The following TRAK1 variants were observed in gnomAD, a reference collection of about 807,000 sequenced individuals.
TRAK1 encodes the protein trafficking kinesin protein 1, also known as trafficking kinesin-binding protein 1.
Under a neutral mutation model 92.1 loss-of-function variants are expected in TRAK1, and 33 were observed. The ratio of observed to expected loss-of-function variants is 0.36; its 90% CI spans 0.27 to 0.48. TRAK1 has a LOEUF of 0.48. TRAK1 is among the 20% of genes least tolerant of loss of function. The pLI is 0.99. For missense variants in TRAK1, 1,123 were observed against 1,257.9 expected (o/e 0.89, Z 1.62); for synonymous variants, 521 against 517.3 (o/e 1.01, Z -0.10).
At chr3:42,212,544 T>A (rs1709179258) in intron 14 of TRAK1, 1 of 980,120 alleles carries the variant, frequency 1.0e-6, no homozygotes, top group African/African-American at 1.8e-5. Flanking sequence ...ATTTTTACAA[T>A]CCCATGTCTT....
At chr3:42,161,139 T>C (rs902743475) in intron 2 of TRAK1, among the ~76,000 whole-genome samples, 4 of 152,232 alleles carry the variant, frequency 2.6e-5, no homozygotes, top group Admixed American at 2.0e-4. Flanking sequence ...CTTAAAGAGA[T>C]GCTCCTTTGC....
intron 2 of TRAK1, among the ~76,000 whole-genome samples, chr3:42,143,516 G>A (rs764280921): frequency 1.3e-5 from 2 of 152,144 alleles, no homozygotes; most frequent in African/African-American, 2.4e-5. Flanking sequence ...CCATTAGGTC[G>A]CAGGGGTCTG....
chr3:42,108,445 C>T (rs903327635), intron 1 of TRAK1, among the ~76,000 whole-genome samples: 11 of 145,526 alleles, frequency 7.6e-5, no homozygotes, highest in Admixed American at 2.8e-4. Flanking sequence ...GAGCTGTGAT[C>T]GTACCACTGC....
chr3:42,139,038 G>A (rs537096665), intron 2 of TRAK1, among the ~76,000 whole-genome samples: 66 of 151,938 alleles, frequency 4.3e-4, no homozygotes, highest in Admixed American at 8.5e-4. Context: ...GTGGAGTAGG[G>A]GTTGTGCTGA....
In TRAK1 at chr3:42,068,949, C is replaced by T. The variant is rs534678779; in HGVS notation, c.-518-18155C>T. On this transcript the variant is annotated intron_variant, in intron 1 of 16. Transcript: ENST00000487159. ...ACCTATTCTGACTGTGTCTTTCTGT[C>T]CCTACAGGATTTGAACTTATAGTGG... 3.3e-5 allele frequency among the ~76,000 whole-genome samples: 5 copies of T among 152,268 alleles called. No individual in the cohort carries two copies. In the South Asian group the frequency reaches 1.0e-3, roughly 32 times the overall value.
intron 1 of TRAK1, among the ~76,000 whole-genome samples, chr3:42,057,366 G>A (rs1703243338): frequency 6.6e-6 from 1 of 152,194 alleles, no homozygotes; most frequent in Non-Finnish European, 1.5e-5. Flanking sequence ...AAGGGTGAAT[G>A]ATGGGAGTAA....
At position 42,097,121 on chromosome 3, in the gene TRAK1, A is replaced by G. The variant is rs146979295; in HGVS notation, c.91+5561A>G. On this transcript the variant is annotated intron_variant, in intron 1 of 15. Transcript: ENST00000327628. ...TGTTGCCTTTTCTCCTCAGTAATCT[A>G]TATTGGAGACCTTTCCACTTAGCAT... Among the ~76,000 whole-genome samples, 620 of 152,266 alleles carry G rather than the reference A, an allele frequency of 4.1e-3. 2 individuals carry two copies. The highest frequency in any genetic ancestry group is 0.014 in the African/African-American group (572 of 41,544).
chr3:42,063,652 T>G (rs796966721), intron 1 of TRAK1, among the ~76,000 whole-genome samples: 28 of 151,550 alleles, frequency 1.8e-4, no homozygotes, highest in African/African-American at 6.8e-4. Flanking sequence ...TGCCACTGCA[T>G]TCCAGCCTTG....
Position 42,018,570 on chromosome 3 carries a change from C to CT in TRAK1, c.-519+4461dup, listed in dbSNP as rs1448088404. On this transcript the variant is annotated intron_variant, in intron 1 of 16. Transcript: ENST00000487159. ...TGGGTACTCAGGTGACTTTAAAAAT[C>CT]TTTTTTTTCTTTTAAGAAGTAGGAG... Among the ~76,000 whole-genome samples the CT allele has an allele frequency of 1.4e-4, 22 of 152,086 alleles. No homozygotes were observed. The East Asian group carries it at 2.9e-3, about 20-fold the overall frequency.
chr3:42,044,859 G>A lies in TRAK1; in HGVS notation c.-519+30742G>A, dbSNP rs186877440. Among the ~76,000 whole-genome samples the A allele has an allele frequency of 2.0e-5, 3 of 152,004 alleles. No homozygotes were observed. In the South Asian group the frequency reaches 6.2e-4, roughly 32 times the overall value. ...CTGTTTTTTTTTACTTCAATTACAC[G>A]ATTTCTCTGGATTTTTATGTTACCT... On this transcript the variant is annotated intron_variant, in intron 1 of 16. Coordinates refer to the TRAK1 transcript ENST00000487159.
chr3:42,050,784 A>G (rs1702947801), intron 1 of TRAK1, among the ~76,000 whole-genome samples: 1 of 152,002 alleles, frequency 6.6e-6, no homozygotes, highest in Admixed American at 6.5e-5. Context: ...CAGCCTTCTG[A>G]GTAGCTGGGA....
chr3:42,149,219 G>T, intron 2 of TRAK1: 2 of 1,176,766 alleles, frequency 1.7e-6, no homozygotes, highest in South Asian at 5.2e-5. Context: ...TGGATAGGAC[G>T]ATCCTGGCTA....
At chr3:42,180,508 T>C (rs187766666) in intron 3 of TRAK1, among the ~76,000 whole-genome samples, 154 of 152,108 alleles carry the variant, frequency 1.0e-3, no homozygotes, top group African/African-American at 3.2e-3. Flanking sequence ...AGGAAAACTT[T>C]GCCCAAACCT....
chr3:42,133,414 C>G (rs1697474047), intron 2 of TRAK1, among the ~76,000 whole-genome samples: 1 of 152,122 alleles, frequency 6.6e-6, no homozygotes, highest in Non-Finnish European at 1.5e-5. Flanking sequence ...GAGACTGGGT[C>G]TTGATATGTT....
chr3:42,173,319 G>A (rs956311808), intron 2 of TRAK1, among the ~76,000 whole-genome samples: 1 of 152,132 alleles, frequency 6.6e-6, no homozygotes, highest in African/African-American at 2.4e-5. Flanking sequence ...ACTTGACCAC[G>A]GTTGATTGAA....
chr3:42,168,255 A>G (rs1300876703), intron 2 of TRAK1, among the ~76,000 whole-genome samples: 1 of 152,184 alleles, frequency 6.6e-6, no homozygotes, highest in Non-Finnish European at 1.5e-5. Flanking sequence ...TTTCTAAACA[A>G]TTTTGCTATG....
At chr3:42,155,985 T>A (rs1368731127) in intron 2 of TRAK1, among the ~76,000 whole-genome samples, 1 of 152,184 alleles carries the variant, frequency 6.6e-6, no homozygotes, top group Non-Finnish European at 1.5e-5. Flanking sequence ...TCCTGTCCAG[T>A]GTTCCTGGAG....
At chr3:42,013,277 TC>T (rs1232443083), upstream of TRAK1, among the ~76,000 whole-genome samples, 1 of 152,190 alleles carries the variant, frequency 6.6e-6, no homozygotes, top group African/African-American at 2.4e-5. The surrounding 1 kb of genome is among the most constrained non-coding windows in gnomAD (Gnocchi z 5.1). Flanking sequence ...CGCCTGGACT[TC>T]CACTGTGTTC....
chr3:42,143,556 G>A (rs976444715), intron 2 of TRAK1, among the ~76,000 whole-genome samples: 3 of 152,172 alleles, frequency 2.0e-5, no homozygotes, highest in African/African-American at 7.2e-5. Flanking sequence ...AGTATTAAAT[G>A]CCAGGTATAC....
Sources: gnomAD v4.1 joint callset for allele counts (sites outside exome capture counted in the v4.1 genomes callset) on GRCh38, gnomAD v4.1.1 for gene constraint, Gnocchi (gnomAD v3.1) non-coding constraint, MANE v1.5 for transcripts, NCBI Gene and HGNC (gene_info 2026-07-23, HGNC 2026-07-21) for gene names.